Variants in STAT4 observed in about 807,000 individuals in gnomAD.
STAT4 encodes signal transducer and activator of transcription 4.
STAT4 carries 42 observed loss-of-function variants against 110.5 expected under a neutral mutation model. The observed-to-expected ratio is 0.38, with a 90% confidence interval of 0.30 to 0.49. The LOEUF (loss-of-function observed/expected upper bound fraction) is 0.49, where lower values mean the gene tolerates loss of function less well. Among genes scored for constraint, STAT4 ranks in the 20% least tolerant of loss-of-function variants. The pLI is 0.95. For synonymous variants in STAT4, 284 were observed against 302.2 expected, an observed-to-expected ratio of 0.94 and a Z score of 0.63; for missense variants, 632 against 887.9, an observed-to-expected ratio of 0.71 and a Z score of 3.66.
rs1316040623 is a variant in STAT4 at position 191,111,085 on chromosome 2, G to A, written c.274-34760C>T. ...ACAGGCATGAGCCACCACGGCCAGT[G>A]AATTATATTTTAAATATAAAATTTC... On this transcript the variant is annotated intron_variant, in intron 3 of 23. Transcript: ENST00000392320. 5.3e-5 allele frequency among the ~76,000 whole-genome samples: 8 copies of A among 152,112 alleles called. No homozygotes were observed. In the East Asian group the frequency reaches 7.7e-4, roughly 15 times the overall value.
At chr2:191,118,993 T>C (rs1030081142) in intron 3 of STAT4, among the ~76,000 whole-genome samples, 2 of 152,188 alleles carry the variant, frequency 1.3e-5, no homozygotes, top group Admixed American at 6.5e-5. Flanking sequence ...CTTGAACTCC[T>C]GGCCTCAAGT....
Position 191,135,113 on chromosome 2 carries a change from GA to G in STAT4, c.273+11499del, listed in dbSNP as rs1699142818. On this transcript the variant is annotated intron_variant, in intron 3 of 23. Coordinates refer to ENST00000392320, the MANE Select transcript of STAT4 (RefSeq NM_003151.4). This position sits in a 1 kb window ranked among gnomAD's most constrained non-coding sequence, Gnocchi z 4.8. The stretch of plus-strand genomic sequence containing the variant: ...AAAAGATACAAAGGATCAACAAAAT[GA>G]AAAACTAGTTGTTTTGAAAAGATAA... Among the ~76,000 whole-genome samples, 2 of 151,904 alleles carry G rather than the reference GA, an allele frequency of 1.3e-5. No individual in the cohort carries two copies. Among genetic ancestry groups the G allele is most frequent in the South Asian group, 4.1e-4 (2 of 4,828 alleles).
At chr2:191,040,921 T>C (rs923519851) in intron 15 of STAT4, 144 bp downstream of exon 15, 12 of 484,068 alleles carry the variant, frequency 2.5e-5, no homozygotes, top group Non-Finnish European at 4.2e-5. Context: ...TAGTGAATAT[T>C]TGACATATTG....
rs766289058 is a variant in STAT4 at position 191,058,686 on chromosome 2, T to C, written c.1094+24A>G. 3 of 1,497,338 alleles carry C rather than the reference T, an allele frequency of 2.0e-6. No individual in the cohort carries two copies. The highest frequency in any genetic ancestry group is 2.7e-6 in the Non-Finnish European group (3 of 1,092,824). 92.8% of individuals were successfully genotyped at this position (1,497,338 alleles called of 1,614,324 possible). ...AAAGTCTTACATTTGGAATTGTAAT[T>C]CAAAACGAAATTAGAAAACTTACTT... On this transcript the variant is annotated intron_variant, in intron 11 of 23. Coordinates refer to ENST00000392320, the MANE Select transcript of STAT4 (RefSeq NM_003151.4). This position sits in a 1 kb window ranked among gnomAD's most constrained non-coding sequence, Gnocchi z 4.3.
intron 3 of STAT4, among the ~76,000 whole-genome samples, chr2:191,114,246 T>A (rs1574168531): frequency 6.6e-6 from 1 of 152,210 alleles, no homozygotes; most frequent in Non-Finnish European, 1.5e-5. Flanking sequence ...GCCTGAAGTC[T>A]TGCCAAAATC....
At position 191,104,351 on chromosome 2, in the gene STAT4, C is replaced by T. The variant is rs1477816385; in HGVS notation, c.274-28026G>A. ...TAAACTAATGAATTAGTTTTTCCCA[C>T]GTTTAGTTCTCACTAACATTTATTT... On this transcript the variant is annotated intron_variant, in intron 3 of 23. Coordinates refer to ENST00000392320, the MANE Select transcript of STAT4 (RefSeq NM_003151.4). This position sits in a 1 kb window ranked among gnomAD's most constrained non-coding sequence, Gnocchi z 4.3. 5.3e-5 allele frequency among the ~76,000 whole-genome samples: 8 copies of T among 152,220 alleles called. No individual in the cohort carries two copies. The highest frequency in any genetic ancestry group is 2.6e-4 in the Admixed American group (4 of 15,282).
In STAT4 at chr2:191,142,614, G is replaced by A. The variant is rs1699365924; in HGVS notation, c.273+3999C>T. Among the ~76,000 whole-genome samples the A allele has an allele frequency of 6.6e-6, 1 of 152,028 alleles. No homozygotes were observed. Among genetic ancestry groups the A allele is most frequent in the South Asian group, 2.1e-4 (1 of 4,828 alleles). On this transcript the variant is annotated intron_variant, in intron 3 of 23. Coordinates refer to ENST00000392320, the MANE Select transcript of STAT4 (RefSeq NM_003151.4). This position sits in a 1 kb window ranked among gnomAD's most constrained non-coding sequence, Gnocchi z 4.1. ...GTAGCTAGAAGAATGGGTTTGAAATGTTTCCAACATAGAAATGATAAATTC... is the reference window on the plus strand; with the variant it reads ...GTAGCTAGAAGAATGGGTTTGAAATATTTCCAACATAGAAATGATAAATTC...
rs1025336390 is a variant in STAT4, at chr2:191,144,573, C to T, written c.273+2040G>A. ...TAACACATGCAGATGAGTTTGTGCT[C>T]GAGCTGAAGCGTGACTGGGGGTAAC... On this transcript the variant is annotated intron_variant, in intron 3 of 23. Coordinates refer to ENST00000392320, the MANE Select transcript of STAT4 (RefSeq NM_003151.4). This position sits in a 1 kb window ranked among gnomAD's most constrained non-coding sequence, Gnocchi z 4.7. Among the ~76,000 whole-genome samples, 2 of 150,366 alleles carry T rather than the reference C, an allele frequency of 1.3e-5. No homozygotes were observed. Among genetic ancestry groups the T allele is most frequent in the East Asian group, 4.0e-4 (2 of 4,954 alleles).
Position 191,031,712 on chromosome 2 carries a change from AAAAC to A in STAT4, c.2045-200_2045-197del, listed in dbSNP as rs1228542707. On this transcript the variant is annotated intron_variant, in intron 21 of 23. Transcript: ENST00000392320. The surrounding 1 kb of genome is among the most constrained non-coding windows in gnomAD (Gnocchi z 4.8). Reference sequence around the variant, plus strand: ...TAAGCATAAAATGTGCAAGAAGAGAAAAACAAATCTCTTGGCAGGCCTAATCTGA... The same window carrying A: ...TAAGCATAAAATGTGCAAGAAGAGAAAAATCTCTTGGCAGGCCTAATCTGA... Among the ~76,000 whole-genome samples, 1 of 152,222 alleles carries A rather than the reference AAAAC, an allele frequency of 6.6e-6. No homozygotes were observed. Among genetic ancestry groups the A allele is most frequent in the Admixed American group, 6.5e-5 (1 of 15,286 alleles).
At chr2:191,040,900 A>G (rs987825057) in intron 15 of STAT4, among the ~76,000 whole-genome samples, 165 bp downstream of exon 15, 1 of 152,252 alleles carries the variant, frequency 6.6e-6, no homozygotes, top group African/African-American at 2.4e-5. Context: ...TAACCAAAAT[A>G]TTATGTTAAC....
chr2:191,052,941 G>A (rs560577439), intron 14 of STAT4, among the ~76,000 whole-genome samples: 1 of 152,184 alleles, frequency 6.6e-6, no homozygotes, highest in African/African-American at 2.4e-5. Flanking sequence ...CCTGCTTAGG[G>A]AGCTGTGCCC....
In STAT4 at chr2:191,031,920, G is replaced by A. The variant is rs560778053; in HGVS notation, c.2045-404C>T. Among the ~76,000 whole-genome samples, 92 of 152,250 alleles carry A rather than the reference G, an allele frequency of 6.0e-4. 1 individual carries two copies. The highest frequency in any genetic ancestry group is 1.7e-3 in the African/African-American group (72 of 41,552). On this transcript the variant is annotated intron_variant, in intron 21 of 23. Coordinates refer to ENST00000392320, the MANE Select transcript of STAT4 (RefSeq NM_003151.4). This position sits in a 1 kb window ranked among gnomAD's most constrained non-coding sequence, Gnocchi z 4.8. The stretch of plus-strand genomic sequence containing the variant: ...CAATCAGAATCTTATGATTGCAAAC[G>A]TTCTTGAAGTACAGATGTCAGTGTT...
chr2:191,047,176 A>G (rs1696376075), intron 14 of STAT4, among the ~76,000 whole-genome samples: 2 of 151,956 alleles, frequency 1.3e-5, no homozygotes, highest in South Asian at 4.1e-4. Context: ...GCGCACCTGG[A>G]CAGGGCATGG....
chr2:191,084,888 T>A (rs1225767721), intron 3 of STAT4, among the ~76,000 whole-genome samples: 1 of 151,978 alleles, frequency 6.6e-6, no homozygotes, highest in East Asian at 1.9e-4. Context: ...AATCTTACCT[T>A]ATGGCTCAAC....
chr2:191,079,861 A>G (rs1697414659), intron 3 of STAT4, among the ~76,000 whole-genome samples: 1 of 152,112 alleles, frequency 6.6e-6, no homozygotes, highest in Non-Finnish European at 1.5e-5. Flanking sequence ...GCATATTAAT[A>G]TCTTGTAAAT....
At position 191,110,255 on chromosome 2, in the gene STAT4, A is replaced by T. The variant is rs1698389387; in HGVS notation, c.274-33930T>A. Among the ~76,000 whole-genome samples the T allele has an allele frequency of 6.6e-6, 1 of 152,162 alleles. No homozygotes were observed. The highest frequency in any genetic ancestry group is 1.5e-5 in the Non-Finnish European group (1 of 68,024). ...CTTCTTCAGGCCTTTATTCAACAATATTCAGGTTTCAGCTATGTGTCTGGC... is the reference window on the plus strand; with the variant it reads ...CTTCTTCAGGCCTTTATTCAACAATTTTCAGGTTTCAGCTATGTGTCTGGC... On this transcript the variant is annotated intron_variant, in intron 3 of 23. Coordinates refer to ENST00000392320, the MANE Select transcript of STAT4 (RefSeq NM_003151.4). This position sits in a 1 kb window ranked among gnomAD's most constrained non-coding sequence, Gnocchi z 4.5.
intron 3 of STAT4, among the ~76,000 whole-genome samples, chr2:191,119,952 T>G (rs936795674): frequency 2.6e-5 from 4 of 152,214 alleles, no homozygotes; most frequent in African/African-American, 9.6e-5. Context: ...GATAACCACA[T>G]GGATCACTTA....
chr2:191,094,549 T>G (rs1427420323), intron 3 of STAT4, among the ~76,000 whole-genome samples: 2 of 152,216 alleles, frequency 1.3e-5, no homozygotes, highest in Non-Finnish European at 2.9e-5. Flanking sequence ...TGAAAGATTT[T>G]GTCACTACCA....
chr2:191,103,232 A>G (rs1698190758), intron 3 of STAT4, among the ~76,000 whole-genome samples: 5 of 152,072 alleles, frequency 3.3e-5, no homozygotes, highest in Admixed American at 3.3e-4. Context: ...GAATTTTTTT[A>G]GGTCCCAGGC....
Sources: allele counts gnomAD v4.1 joint callset (sites outside exome capture counted in the v4.1 genomes callset), GRCh38; gene constraint gnomAD v4.1.1; non-coding constraint Gnocchi (gnomAD v3.1); transcripts MANE v1.5; gene names NCBI Gene and HGNC (gene_info 2026-07-23, HGNC 2026-07-21).